Variants in SMC4 observed in about 807,000 individuals in gnomAD.
SMC4 encodes the protein structural maintenance of chromosomes 4.
SMC4 carries 87 observed loss-of-function variants against 145.6 expected under a neutral mutation model. The observed-to-expected ratio is 0.60, with a 90% confidence interval of 0.50 to 0.71. SMC4 has a LOEUF of 0.71. Among genes scored for constraint, SMC4 ranks in the 30% least tolerant of loss-of-function variants. The probability of loss-of-function intolerance (pLI) is 0.00; values close to 1 mark genes in which losing one functional copy is unlikely to be tolerated. For missense variants in SMC4, 1,447 were observed against 1,537.1 expected, an observed-to-expected ratio of 0.94 and a Z score of 0.98; for synonymous variants, 558 against 500.7, an observed-to-expected ratio of 1.11 and a Z score of -1.53.
At chr3:160,418,056 A>C (rs1387771627) in intron 11 of SMC4, 100 bp downstream of exon 11, 1 of 890,364 alleles carries the variant, frequency 1.1e-6, no homozygotes, top group East Asian at 2.6e-5. Context: ...CTAGTGATAA[A>C]TTTTCTTCAT....
chr3:160,426,179 A>G lies in SMC4; in HGVS notation c.2584A>G (p.Asn862Asp). 1.2e-6 allele frequency: 2 copies of G among 1,609,944 alleles called. No individual in the cohort carries two copies. The highest frequency in any genetic ancestry group is 1.7e-6 in the Non-Finnish European group (2 of 1,178,422). ...DKKKQKLLEE[N>D]VSAFKTEYDA... Reference sequence around the variant, plus strand: ...AAAAAAGCAGAAATTGCTAGAAGAAAACGTTAGTGCTTTCAAAACAGGTAT... The same window carrying G: ...AAAAAAGCAGAAATTGCTAGAAGAAGACGTTAGTGCTTTCAAAACAGGTAT... Residue 862 changes from asparagine to aspartate, a missense_variant, in exon 17 of 24, where the codon AAC (asparagine) becomes GAC (aspartate). Transcript: ENST00000357388.
At position 160,401,915 on chromosome 3, in the gene SMC4, A is replaced by T. The variant is rs1263489630; in HGVS notation, c.140A>T (p.Glu47Val). 1 of 1,599,022 alleles carries T rather than the reference A, an allele frequency of 6.3e-7. No homozygotes were observed. The change falls in exon 3 of 24, where the codon GAG becomes GTG. Residue 47 changes from glutamate to valine, a missense_variant and splice_region_variant. Coordinates refer to ENST00000357388, the MANE Select transcript of SMC4 (RefSeq NM_001002800.3). ...TTTTCCTTTCCTTTCACTGACTTAG[A>T]GACTGCAAGTGAGGAACTTGATAAT... Reference protein sequence around the residue: ...GRTESPATAAETASEELDNRS... With the variant: ...GRTESPATAAVTASEELDNRS...
intron 16 of SMC4, 90 bp from the exon 17 acceptor site, chr3:160,425,984 C>A: frequency 1.0e-6 from 1 of 987,002 alleles, no homozygotes; most frequent in Non-Finnish European, 1.5e-6. Context: ...GTGTCTTTTT[C>A]TTGAAGATTT....
Position 160,420,881 on chromosome 3 carries a change from A to G in SMC4, c.1999A>G (p.Thr667Ala), listed in dbSNP as rs769428954. ...FLKRQNIGVA[T>A]FIGLDKMAVW... ...TAAAAGACAAAATATTGGAGTTGCA[A>G]CCTTTATAGGTTTAGATAAGGTGGG... Residue 667 changes from threonine (T) to alanine (A), a missense_variant, in exon 13 of 24, where the codon ACC becomes GCC. Physicochemically the swap from Thr to Ala is moderately conservative, Grantham distance 58. Transcript: ENST00000357388. 19 of 1,612,342 alleles carry G rather than the reference A, an allele frequency of 1.2e-5. No homozygotes were observed. The highest frequency in any genetic ancestry group is 6.7e-5 in the Admixed American group (4 of 59,666).
At chr3:160,428,251 GA>G (rs1560012586) in intron 17 of SMC4, among the ~76,000 whole-genome samples, 1 of 152,194 alleles carries the variant, frequency 6.6e-6, no homozygotes, top group African/African-American at 2.4e-5. Flanking sequence ...AGCCACAGAG[GA>G]ATCTGGGAAA....
chr3:160,433,348 T>A, intron 23 of SMC4, 139 bp downstream of exon 23: 2 of 596,798 alleles, frequency 3.4e-6, no homozygotes, highest in South Asian at 5.7e-5. Flanking sequence ...CTGGTATCAG[T>A]GGAGACCAAA....
intron 16 of SMC4, 127 bp downstream of exon 16, chr3:160,425,146 G>T: frequency 7.5e-7 from 1 of 1,335,312 alleles, no homozygotes; most frequent in South Asian, 1.6e-5. Flanking sequence ...AGGATCTATA[G>T]GCAGATATAA....
chr3:160,401,925 T>C lies in SMC4; in HGVS notation c.150T>C (p.Ser50=). The C allele has an allele frequency of 6.2e-7, 1 of 1,602,174 alleles. No homozygotes were observed. Among genetic ancestry groups the C allele is most frequent in the Non-Finnish European group, 8.5e-7 (1 of 1,175,454 alleles). The change falls in exon 3 of 24, where the codon AGT becomes AGC. Residue 50 remains serine, a synonymous_variant. Coordinates refer to ENST00000357388, the MANE Select transcript of SMC4 (RefSeq NM_001002800.3). ...ESPATAAETA[S]EELDNRSLEE... ...CTTTCACTGACTTAGAGACTGCAAG[T>C]GAGGAACTTGATAATAGAAGTTTAG...
At chr3:160,411,782 A>T (rs1716013486) in intron 5 of SMC4, 138 bp from the exon 6 acceptor site, 1 of 596,400 alleles carries the variant, frequency 1.7e-6, no homozygotes, top group Non-Finnish European at 2.8e-6. Flanking sequence ...ATACCTTATT[A>T]AATCATTGCA....
chr3:160,427,970 G>A (rs1272197776), intron 17 of SMC4, among the ~76,000 whole-genome samples: 2 of 152,206 alleles, frequency 1.3e-5, no homozygotes, highest in East Asian at 3.9e-4. Context: ...CACACGCCGG[G>A]TGTGGTGGCA....
chr3:160,433,631 T>C (rs373017392), intron 23 of SMC4, 26 bp from the exon 24 acceptor site: 1 of 1,435,824 alleles, frequency 7.0e-7, no homozygotes, highest in African/African-American at 1.4e-5. Context: ...TTACTTAATG[T>C]TTGACTTTTC....
chr3:160,404,566 A>T (rs779096872), intron 5 of SMC4, 62 bp downstream of exon 5: 13 of 1,518,652 alleles, frequency 8.6e-6, no homozygotes, highest in Middle Eastern at 1.7e-4. Context: ...CTATAAAGCT[A>T]GGTTGGATGA....
chr3:160,419,574 A>G, intron 12 of SMC4, 31 bp downstream of exon 12: 1 of 1,527,894 alleles, frequency 6.5e-7, no homozygotes, highest in Non-Finnish European at 8.8e-7. Context: ...GCATGGCTTT[A>G]CTTTTTTTTT....
At chr3:160,406,267 T>G (rs1053333444) in intron 5 of SMC4, among the ~76,000 whole-genome samples, 8 of 152,084 alleles carry the variant, frequency 5.3e-5, no homozygotes, top group African/African-American at 1.9e-4. Context: ...CAGATTCAGT[T>G]TGACTCAATT....
intron 5 of SMC4, among the ~76,000 whole-genome samples, chr3:160,406,371 T>A (rs1715327379): frequency 6.6e-6 from 1 of 152,118 alleles, no homozygotes; most frequent in Admixed American, 6.5e-5. Context: ...ATTAAAACTT[T>A]GAGGGAAAGT....
chr3:160,400,726 C>A, intron 1 of SMC4, 96 bp from the exon 2 acceptor site: 1 of 1,355,764 alleles, frequency 7.4e-7, no homozygotes, highest in Non-Finnish European at 9.5e-7. Context: ...TTAAGCGGGG[C>A]TCTCGGAAGC....
chr3:160,419,600 T>C lies in SMC4; in HGVS notation c.1857+57T>C, dbSNP rs376831601. On this transcript the variant is annotated intron_variant, in intron 12 of 23. Transcript: ENST00000357388. ...CTTTTTTTTTTTAAGAAAGTGTAAC[T>C]TATTTTTTTGCCTTGACAACCATAT... The C allele has an allele frequency of 4.6e-6, 7 of 1,512,092 alleles. No homozygotes were observed. The African/African-American group carries it at 8.5e-5, about 18-fold the overall frequency. The allele number at this position is 1,512,092 out of a possible 1,614,324, so 93.7% of individuals were successfully genotyped here.
chr3:160,423,839 A>AGGTCAGCATATCTAAAATTGT lies in SMC4; in HGVS notation c.2325_2325+20dup. The AGGTCAGCATATCTAAAATTGT allele has an allele frequency of 6.2e-7, 1 of 1,604,114 alleles. No individual in the cohort carries two copies. Among genetic ancestry groups the AGGTCAGCATATCTAAAATTGT allele is most frequent in the Non-Finnish European group, 8.5e-7 (1 of 1,175,896 alleles). The stretch of plus-strand genomic sequence containing the variant: ...CTTGTTATTGAAATCTCTGAAGAAG[A>AGGTCAGCATATCTAAAATTGT]GGTCAGCATATCTAAAATTGTATCC... On this transcript the variant is annotated inframe_insertion and splice_region_variant, in exon 15 of 24. Transcript: ENST00000357388.
intron 8 of SMC4, chr3:160,414,036 TTATTG>T (rs1716328566): frequency 1.6e-5 from 6 of 378,784 alleles, no homozygotes; most frequent in South Asian, 1.2e-4. Flanking sequence ...TATAGTAAGT[TTATTG>T]TATAGTAACT....
Sources: allele counts gnomAD v4.1 joint callset (sites outside exome capture counted in the v4.1 genomes callset), GRCh38; gene constraint gnomAD v4.1.1; transcripts MANE v1.5; gene names NCBI Gene and HGNC (gene_info 2026-07-23, HGNC 2026-07-21).